Variants in KAZN observed in about 807,000 individuals in gnomAD.
KAZN encodes kazrin, periplakin interacting protein.
In KAZN, 40 loss-of-function variants were observed where a neutral mutation model predicts 87.4. The observed-to-expected ratio is 0.46, with a 90% CI of 0.36 to 0.60. The LOEUF (loss-of-function observed/expected upper bound fraction) is 0.60, where lower values mean the gene tolerates loss of function less well. KAZN is among the 20% of genes least tolerant of loss of function. The probability of loss-of-function intolerance (pLI) is 0.00; values close to 1 mark genes in which losing one functional copy is unlikely to be tolerated. For missense variants in KAZN, 898 were observed against 1,073.9 expected, an observed-to-expected ratio of 0.84 and a Z score of 2.29; for synonymous variants, 466 against 458.3, an observed-to-expected ratio of 1.02 and a Z score of -0.22.
chr1:14,659,870 T>A (rs1457742483), intron 1 of KAZN, among the ~76,000 whole-genome samples: 1 of 146,688 alleles, frequency 6.8e-6, no homozygotes, highest in Admixed American at 6.8e-5. Context: ...TTCAAAACAA[T>A]ACACATTCTT....
chr1:14,483,090 G>T (rs1669169859), intron 2 of KAZN, among the ~76,000 whole-genome samples: 1 of 152,064 alleles, frequency 6.6e-6, no homozygotes, highest in Admixed American at 6.6e-5. Flanking sequence ...GTAAATATTA[G>T]CCATTATTAT....
chr1:15,038,046 G>A (rs1222490532), intron 3 of KAZN, among the ~76,000 whole-genome samples: 4 of 152,106 alleles, frequency 2.6e-5, no homozygotes, highest in Non-Finnish European at 5.9e-5. Flanking sequence ...GAGCCCAGGA[G>A]TTCAAGACCA....
intron 6 of KAZN, chr1:15,061,346 G>A (rs899463499): frequency 6.6e-6 from 1 of 152,130 alleles, no homozygotes; most frequent in Non-Finnish European, 1.5e-5. Context: ...ATAATGAAAA[G>A]TGCTTATAAA....
At chr1:14,916,641 G>C (rs1327619640) in intron 1 of KAZN, among the ~76,000 whole-genome samples, 1 of 152,136 alleles carries the variant, frequency 6.6e-6, no homozygotes, top group Non-Finnish European at 1.5e-5. Context: ...GGCCCACTGT[G>C]GTGGCTCATA....
intron 2 of KAZN, among the ~76,000 whole-genome samples, chr1:14,464,588 G>GAGTGC (rs879635441): frequency 6.6e-6 from 1 of 151,692 alleles, no homozygotes; most frequent in Non-Finnish European, 1.5e-5. Flanking sequence ...ACCCAGGCTG[G>GAGTGC]AGTGCAGTGG....
chr1:14,809,963 A>T (rs1443476118), intron 1 of KAZN, among the ~76,000 whole-genome samples: 1 of 152,126 alleles, frequency 6.6e-6, no homozygotes, highest in Admixed American at 6.6e-5. Flanking sequence ...AGAACTGTTG[A>T]CATTTGGGGC....
At chr1:14,031,274 T>C (rs1373770492) in intron 1 of KAZN, among the ~76,000 whole-genome samples, 5 of 152,190 alleles carry the variant, frequency 3.3e-5, no homozygotes, top group African/African-American at 7.2e-5. Context: ...TTAATATAAT[T>C]ATATACAAAA....
intron 2 of KAZN, among the ~76,000 whole-genome samples, chr1:14,311,772 G>A (rs111685494): frequency 0.022 from 3,274 of 152,164 alleles, 127 homozygotes; most frequent in African/African-American, 0.075. Flanking sequence ...ATGGGTGGAT[G>A]GATGAATAGA....
At chr1:14,708,337 T>C (rs191038436) in intron 1 of KAZN, among the ~76,000 whole-genome samples, 22 of 152,346 alleles carry the variant, frequency 1.4e-4, no homozygotes, top group African/African-American at 5.3e-4. Context: ...ACAAGTGATA[T>C]TTTGCACTGC....
intron 2 of KAZN, among the ~76,000 whole-genome samples, chr1:15,014,243 A>G (rs1669863941): frequency 6.6e-6 from 1 of 152,040 alleles, no homozygotes; most frequent in Admixed American, 6.5e-5. Context: ...AAGAATCAGA[A>G]ATCTGTGATT....
intron 2 of KAZN, among the ~76,000 whole-genome samples, chr1:14,516,361 CA>C (rs1671298919): frequency 6.6e-6 from 1 of 152,196 alleles, no homozygotes; most frequent in Admixed American, 6.5e-5. Flanking sequence ...ACCGGCAGAT[CA>C]GAGTGGTTTA....
chr1:14,069,285 G>A (rs1006471182), intron 1 of KAZN, among the ~76,000 whole-genome samples: 1 of 152,192 alleles, frequency 6.6e-6, no homozygotes, highest in African/African-American at 2.4e-5. Context: ...CATGCCAAGT[G>A]GAGTAATTAT....
intron 1 of KAZN, among the ~76,000 whole-genome samples, chr1:14,067,123 C>T (rs1643039329): frequency 1.3e-5 from 2 of 152,046 alleles, no homozygotes; most frequent in South Asian, 4.1e-4. Context: ...TCCCTGACTC[C>T]TCTCTCCTCC....
At chr1:14,049,464 A>G (rs1269438207) in intron 1 of KAZN, among the ~76,000 whole-genome samples, 1 of 152,182 alleles carries the variant, frequency 6.6e-6, no homozygotes, top group Admixed American at 6.5e-5. Flanking sequence ...CTTAAAGTAT[A>G]ATTAAAACAA....
intron 1 of KAZN, among the ~76,000 whole-genome samples, chr1:14,745,263 A>G (rs753157682): frequency 8.9e-6 from 1 of 111,942 alleles, no homozygotes; most frequent in Admixed American, 8.7e-5. Flanking sequence ...GAAAAAAAGG[A>G]AAAAAAAAAA....
chr1:14,981,112 G>A (rs1179298688), intron 2 of KAZN, among the ~76,000 whole-genome samples: 2 of 152,170 alleles, frequency 1.3e-5, no homozygotes, highest in Non-Finnish European at 2.9e-5. Flanking sequence ...AGGAAAACGT[G>A]CTTGCTCCAA....
rs929906944 is a variant in KAZN at position 15,096,345 on chromosome 1, G to A, written c.1547+1412G>A. Among the ~76,000 whole-genome samples the A allele has an allele frequency of 6.6e-6, 1 of 152,206 alleles. No homozygotes were observed. The highest frequency in any genetic ancestry group is 6.5e-5 in the Admixed American group (1 of 15,288). Reference sequence around the variant, plus strand: ...TCTTTTCATAGATTACTTTTGTAGTGGGGGCAAGGGCAGAAAAACAAAAAC... The same window carrying A: ...TCTTTTCATAGATTACTTTTGTAGTAGGGGCAAGGGCAGAAAAACAAAAAC... On this transcript the variant is annotated intron_variant, in intron 10 of 14. Coordinates refer to ENST00000376030, the MANE Select transcript of KAZN (RefSeq NM_201628.3). The surrounding 1 kb of genome is among the most constrained non-coding windows in gnomAD (Gnocchi z 4.5).
chr1:14,970,317 A>C (rs1205251376), intron 2 of KAZN, among the ~76,000 whole-genome samples: 1 of 152,054 alleles, frequency 6.6e-6, no homozygotes, highest in African/African-American at 2.4e-5. Context: ...AAAGCAAGTC[A>C]CCTGACCAAG....
Position 14,599,245 on chromosome 1 carries a change from G to T in KAZN, c.226+22G>T. ...CAAGGTAGGATCGCCCCGGCGCCCA[G>T]GGCGGAGGAAGGCGAGCAGAGCACG... is the stretch of plus-strand genomic sequence containing the variant. On this transcript the variant is annotated intron_variant, in intron 1 of 14. Transcript: ENST00000376030. The surrounding 1 kb of genome is among the most constrained non-coding windows in gnomAD (Gnocchi z 4.4). 1 of 1,352,442 alleles carries T rather than the reference G, an allele frequency of 7.4e-7. No homozygotes were observed. 83.8% of individuals were successfully genotyped at this position (1,352,442 alleles called of 1,614,324 possible).
Sources: gnomAD v4.1 joint callset for allele counts (sites outside exome capture counted in the v4.1 genomes callset) on GRCh38, gnomAD v4.1.1 for gene constraint, Gnocchi (gnomAD v3.1) non-coding constraint, MANE v1.5 for transcripts, NCBI Gene and HGNC (gene_info 2026-07-23, HGNC 2026-07-21) for gene names.